RAP1A: variants seen among roughly 807,000 people sequenced by gnomAD.
The protein encoded by RAP1A is ras-related protein Rap-1A.
RAP1A carries 6 observed loss-of-function variants against 26.4 expected under a neutral mutation model. The observed-to-expected ratio is 0.23, with a 90% CI of 0.12 to 0.45. RAP1A has a LOEUF of 0.45. Ranked by LOEUF, RAP1A falls within the 20% of genes least tolerant of loss-of-function variation. The pLI, the probability that RAP1A is intolerant of heterozygous loss-of-function variation, is 0.99. For synonymous variants in RAP1A, 73 were observed against 79.4 expected (o/e 0.92, Z 0.43); for missense variants, 121 against 217.2 (o/e 0.56, Z 2.78).
intron 1 of RAP1A, among the ~76,000 whole-genome samples, chr1:111,613,625 CA>C (rs1223884676): frequency 1.3e-5 from 2 of 152,232 alleles, no homozygotes; most frequent in African/African-American, 4.8e-5. Context: ...GTGACTAGTA[CA>C]TAGCTTATAC....
intron 1 of RAP1A, among the ~76,000 whole-genome samples, chr1:111,588,861 A>C (rs1414767339): frequency 6.6e-6 from 1 of 152,230 alleles, no homozygotes; most frequent in Non-Finnish European, 1.5e-5. Context: ...TGAAGGTGTT[A>C]AAAATATTAG....
intron 1 of RAP1A, among the ~76,000 whole-genome samples, chr1:111,654,990 C>A (rs1478614383): frequency 4.6e-5 from 7 of 151,540 alleles, no homozygotes. Flanking sequence ...AAGCTGTGAT[C>A]GTGCCACTGC....
At chr1:111,705,159 TTTCCAACTG>T (rs1557899360) in intron 6 of RAP1A, among the ~76,000 whole-genome samples, 1 of 152,172 alleles carries the variant, frequency 6.6e-6, no homozygotes, top group Non-Finnish European at 1.5e-5. Context: ...TTTAGAGCAA[TTTCCAACTG>T]TCCCCACCAG....
Position 111,619,807 on chromosome 1 carries a change from C to T in RAP1A, c.-155C>T, listed in dbSNP as rs942972955. ...AGGCGCCGCCGCCGCTCCCGAGGCCCCTGCCGCCGCCGCTCCCGCTGCTGT... is the reference window on the plus strand; with the variant it reads ...AGGCGCCGCCGCCGCTCCCGAGGCCTCTGCCGCCGCCGCTCCCGCTGCTGT... On this transcript the variant is annotated 5_prime_UTR_variant, in exon 1 of 8. Coordinates refer to ENST00000369709, the MANE Select transcript of RAP1A (RefSeq NM_002884.4). The T allele has an allele frequency of 5.0e-6, 2 of 399,054 alleles. No homozygotes were observed. Among genetic ancestry groups the T allele is most frequent in the South Asian group, 1.3e-4 (1 of 7,896 alleles). The allele number at this position is 399,054 out of a possible 1,614,324, so 24.7% of individuals were successfully genotyped here.
chr1:111,629,351 A>G (rs1659500053), intron 1 of RAP1A, among the ~76,000 whole-genome samples: 1 of 152,148 alleles, frequency 6.6e-6, no homozygotes, highest in Non-Finnish European at 1.5e-5. Context: ...CTCTACTCAT[A>G]CTTTCCACTT....
chr1:111,616,264 T>C (rs1557866224), upstream of RAP1A, among the ~76,000 whole-genome samples: 2 of 152,192 alleles, frequency 1.3e-5, no homozygotes, highest in African/African-American at 2.4e-5. Context: ...GAGGATTTAA[T>C]TGGTTTATCT....
chr1:111,700,931 G>A (rs996473800), intron 4 of RAP1A, among the ~76,000 whole-genome samples: 5 of 152,050 alleles, frequency 3.3e-5, no homozygotes, highest in Non-Finnish European at 7.4e-5. Context: ...CACTATCTTG[G>A]TCTAAACAGT....
At chr1:111,562,549 G>A (rs1657781444) in intron 1 of RAP1A, among the ~76,000 whole-genome samples, 1 of 152,216 alleles carries the variant, frequency 6.6e-6, no homozygotes, top group Non-Finnish European at 1.5e-5. Context: ...AGTGGAAAAT[G>A]TCCTAGAAAA....
chr1:111,593,811 A>G (rs570291913), intron 1 of RAP1A, among the ~76,000 whole-genome samples: 1 of 152,046 alleles, frequency 6.6e-6, no homozygotes, highest in East Asian at 1.9e-4. Flanking sequence ...CAGAAAGAAA[A>G]TCCATGTGTG....
intron 1 of RAP1A, chr1:111,649,094 A>G (rs1660173972): frequency 1.7e-6 from 1 of 602,376 alleles, no homozygotes; most frequent in South Asian, 1.4e-5. Flanking sequence ...CTCTAAAGTC[A>G]TCAGTAGCAA....
chr1:111,628,075 C>G (rs1165515910), intron 1 of RAP1A, among the ~76,000 whole-genome samples: 1 of 152,098 alleles, frequency 6.6e-6, no homozygotes, highest in Non-Finnish European at 1.5e-5. Context: ...TTTTCTGAAC[C>G]TTGGCTTCCT....
intron 1 of RAP1A, chr1:111,648,206 T>TGTGTA (rs773470455): frequency 0.29 from 40,029 of 136,542 alleles, 2,886 homozygotes; most frequent in East Asian, 0.43. Flanking sequence ...TGTGTGTGTA[T>TGTGTA]TTTTTTTTTT....
intron 1 of RAP1A, chr1:111,648,273 C>T: frequency 1.1e-6 from 1 of 948,788 alleles, no homozygotes; most frequent in Non-Finnish European, 1.6e-6. Flanking sequence ...AAAGGGTACC[C>T]TGCTTCTGCT....
chr1:111,625,934 A>G (rs2101096091), intron 1 of RAP1A, among the ~76,000 whole-genome samples: 1 of 152,160 alleles, frequency 6.6e-6, no homozygotes, highest in Admixed American at 6.5e-5. Flanking sequence ...GTGCCACCAC[A>G]GTTAATTCAT....
chr1:111,639,578 T>TTC (rs1553217775), intron 1 of RAP1A, among the ~76,000 whole-genome samples: 299 of 152,032 alleles, frequency 2.0e-3, no homozygotes, highest in Non-Finnish European at 3.6e-3. Context: ...TTTTTTTTTT[T>TTC]CCTTAGGACA....
At chr1:111,644,064 G>C (rs1251167509) in intron 1 of RAP1A, among the ~76,000 whole-genome samples, 1 of 152,202 alleles carries the variant, frequency 6.6e-6, no homozygotes, top group Non-Finnish European at 1.5e-5. Flanking sequence ...CTTAAAGTCA[G>C]CTGATTGTGG....
intron 1 of RAP1A, among the ~76,000 whole-genome samples, chr1:111,663,148 A>G (rs917959797): frequency 6.6e-6 from 1 of 152,060 alleles, no homozygotes; most frequent in Non-Finnish European, 1.5e-5. Context: ...TCCTGACCTC[A>G]TGATCCACCC....
chr1:111,553,902 T>C (rs956912814), intron 1 of RAP1A, among the ~76,000 whole-genome samples: 1 of 152,232 alleles, frequency 6.6e-6, no homozygotes, highest in Non-Finnish European at 1.5e-5. Flanking sequence ...TAAGAACCTA[T>C]ACAAAGAGCT....
At chr1:111,687,588 A>G (rs72697820) in intron 1 of RAP1A, among the ~76,000 whole-genome samples, 19,685 of 152,220 alleles carry the variant, frequency 0.13, 1,617 homozygotes, top group South Asian at 0.18. Flanking sequence ...TTTACTTTCA[A>G]AACATACTAT....
Sources: gnomAD v4.1 joint callset for allele counts (sites outside exome capture counted in the v4.1 genomes callset) on GRCh38, gnomAD v4.1.1 for gene constraint, MANE v1.5 for transcripts, NCBI Gene and HGNC (gene_info 2026-07-23, HGNC 2026-07-21) for gene names.